The following CCDC141 variants were observed in gnomAD, a reference collection of about 807,000 sequenced individuals.
CCDC141 encodes coiled-coil domain-containing protein 141.
A neutral mutation model predicts 181.0 loss-of-function variants in CCDC141; 168 were observed. That is an observed-to-expected ratio of 0.93 (90% CI 0.82 to 1.05). CCDC141 has a LOEUF of 1.05. Ranked by LOEUF, CCDC141 falls within the 50% of genes least tolerant of loss-of-function variation. CCDC141 has a pLI of 0.00. For missense variants in CCDC141, 1,902 were observed against 1,788.5 expected (o/e 1.06, Z -1.14); for synonymous variants, 666 against 642.3 (o/e 1.04, Z -0.56).
At chr2:178,968,399 A>G (rs1278321432) in intron 4 of CCDC141, among the ~76,000 whole-genome samples, 3 of 152,210 alleles carry the variant, frequency 2.0e-5, no homozygotes, top group Non-Finnish European at 4.4e-5. Flanking sequence ...CTCAGACCAC[A>G]GTGCAATCAT....
In CCDC141 at chr2:178,855,450, A is replaced by G; in HGVS notation, c.2957T>C (p.Val986Ala). 1 of 1,612,180 alleles carries G rather than the reference A, an allele frequency of 6.2e-7. No homozygotes were observed. The highest frequency in any genetic ancestry group is 8.5e-7 in the Non-Finnish European group (1 of 1,179,118). The change falls in exon 19 of 24, where the codon GTC (valine) becomes GCC (alanine). Residue 986 changes from valine to alanine, a missense_variant. Transcript: ENST00000443758. ...CACATGTTTTTGCAAATCCTTCATG[A>G]CTTCCAAAAGGACATTAACTTTATC... ...PSDKVNVLLE[V>A]MKDLQKHVDD...
At position 178,869,212 on chromosome 2, in the gene CCDC141, C is replaced by G. The variant is rs141939661; in HGVS notation, c.2299G>C (p.Asp767His). 1 of 1,613,528 alleles carries G rather than the reference C, an allele frequency of 6.2e-7. No homozygotes were observed. Among genetic ancestry groups the G allele is most frequent in the South Asian group, 1.1e-5 (1 of 91,040 alleles). ...PVKEKSQQLK[D>H]LIHFHQKQKE... Reference sequence around the variant, plus strand: ...TGTTTTTGATGGAAGTGAATAAGGTCCTTCAGTTGTTGAGACTTTTCTTTT... The same window carrying G: ...TGTTTTTGATGGAAGTGAATAAGGTGCTTCAGTTGTTGAGACTTTTCTTTT... Residue 767 changes from aspartate (D) to histidine (H), a missense_variant, in exon 15 of 24, where the codon GAC (aspartate) becomes CAC (histidine). Physicochemically the swap from Asp to His is moderately conservative, Grantham distance 81 (BLOSUM62 -1). Coordinates refer to ENST00000443758, the MANE Select transcript of CCDC141 (RefSeq NM_173648.4).
Position 178,837,629 on chromosome 2 carries a change from G to C in CCDC141, c.3590C>G (p.Pro1197Arg). The C allele has an allele frequency of 6.2e-7, 1 of 1,614,052 alleles. No individual in the cohort carries two copies. Among genetic ancestry groups the C allele is most frequent in the Non-Finnish European group, 8.5e-7 (1 of 1,179,956 alleles). Residue 1197 changes from proline (P) to arginine (R), a missense_variant, in exon 23 of 24, where the codon CCT becomes CGT. Coordinates refer to ENST00000443758, the MANE Select transcript of CCDC141 (RefSeq NM_173648.4). ...TTCTTCCCCTGAGAGCATGTCTTCA[G>C]GCAGGAGCAGGTCCTGGACGCCACC... ...KEGGVQDLLL[P>R]EDMLSGEEYE...
chr2:179,015,129 ATCATATC>A (rs2042425860), intron 2 of CCDC141, among the ~76,000 whole-genome samples: 1 of 103,260 alleles, frequency 9.7e-6, no homozygotes, highest in Non-Finnish European at 2.0e-5. Context: ...ATATATATAT[ATCATATC>A]ATATATATCA....
intron 6 of CCDC141, among the ~76,000 whole-genome samples, chr2:178,931,106 A>G (rs1339198875): frequency 6.6e-6 from 1 of 152,214 alleles, no homozygotes; most frequent in African/African-American, 2.4e-5. Flanking sequence ...TGCAAGTAAG[A>G]ATCACAATGA....
intron 18 of CCDC141, among the ~76,000 whole-genome samples, 170 bp downstream of exon 18, chr2:178,856,087 T>C (rs1376078136): frequency 1.3e-5 from 2 of 152,192 alleles, no homozygotes; most frequent in African/African-American, 4.8e-5. Flanking sequence ...TATTATGTAT[T>C]TTTACATGAA....
chr2:178,879,532 A>G (rs1686499114), intron 11 of CCDC141, among the ~76,000 whole-genome samples: 2 of 152,086 alleles, frequency 1.3e-5, no homozygotes, highest in Non-Finnish European at 2.9e-5. Context: ...ATCCTTCATG[A>G]GCAGTTAAAA....
chr2:178,980,752 A>T (rs954210838), intron 2 of CCDC141, among the ~76,000 whole-genome samples: 3 of 152,236 alleles, frequency 2.0e-5, no homozygotes, highest in Non-Finnish European at 4.4e-5. Flanking sequence ...GTGAAGTGAT[A>T]TGTCAATTAG....
At chr2:178,862,003 A>G (rs1685641409) in intron 17 of CCDC141, among the ~76,000 whole-genome samples, 2 of 152,158 alleles carry the variant, frequency 1.3e-5, no homozygotes, top group Non-Finnish European at 2.9e-5. Context: ...TCATTTTGTC[A>G]GTGGCAAAGC....
rs576058694 is a variant in CCDC141 at position 179,033,298 on chromosome 2, A to C, written c.225+13986T>G. On this transcript the variant is annotated intron_variant, in intron 2 of 23. Coordinates refer to ENST00000443758, the MANE Select transcript of CCDC141 (RefSeq NM_173648.4). ...GTGCTATGATATTTGCATAATGTTT[A>C]CATTATTTTATATATTGTAAGTCAT... is the stretch of plus-strand genomic sequence containing the variant. Among the ~76,000 whole-genome samples, 240 of 152,106 alleles carry C rather than the reference A, an allele frequency of 1.6e-3. 1 individual carries two copies. Among genetic ancestry groups the C allele is most frequent in the African/African-American group, 5.7e-3 (236 of 41,550 alleles).
At chr2:178,965,616 C>A (rs1690591632) in intron 4 of CCDC141, among the ~76,000 whole-genome samples, 1 of 152,228 alleles carries the variant, frequency 6.6e-6, no homozygotes, top group African/African-American at 2.4e-5. Context: ...GTCTTCGCAA[C>A]CCACAAACCA....
intron 21 of CCDC141, among the ~76,000 whole-genome samples, chr2:178,849,033 T>A (rs4893856): frequency 1.1e-4 from 16 of 151,704 alleles, no homozygotes; most frequent in Admixed American, 2.0e-4. Flanking sequence ...TAAAAAAAAA[T>A]CTAGATTTTT....
chr2:178,984,418 A>T (rs1202692028), intron 2 of CCDC141, among the ~76,000 whole-genome samples: 1 of 152,078 alleles, frequency 6.6e-6, no homozygotes, highest in Admixed American at 6.6e-5. Flanking sequence ...TAACGAGCAA[A>T]ATCACCAGCT....
chr2:179,030,966 C>T (rs1257227461), intron 2 of CCDC141, among the ~76,000 whole-genome samples: 2 of 151,986 alleles, frequency 1.3e-5, no homozygotes, highest in African/African-American at 2.4e-5. Context: ...TTTTCATTCC[C>T]AAAAGATTTA....
At chr2:178,901,799 A>T (rs1295688625) in intron 8 of CCDC141, among the ~76,000 whole-genome samples, 1 of 152,120 alleles carries the variant, frequency 6.6e-6, no homozygotes, top group East Asian at 1.9e-4. Context: ...TTCAATTAGG[A>T]AAAGAGGAGG....
chr2:178,999,398 T>G (rs747978688), intron 2 of CCDC141, among the ~76,000 whole-genome samples: 1 of 152,130 alleles, frequency 6.6e-6, no homozygotes, highest in Non-Finnish European at 1.5e-5. Flanking sequence ...CTTTCAACGC[T>G]TCTCACCCGA....
At chr2:178,907,337 G>C (rs1038889371) in intron 7 of CCDC141, among the ~76,000 whole-genome samples, 2 of 152,154 alleles carry the variant, frequency 1.3e-5, no homozygotes, top group Non-Finnish European at 2.9e-5. Flanking sequence ...GAGCAGATTT[G>C]GGATTTATAC....
intron 6 of CCDC141, among the ~76,000 whole-genome samples, chr2:178,929,303 G>A (rs144898409): frequency 9.1e-4 from 139 of 152,172 alleles, no homozygotes; most frequent in African/African-American, 3.3e-3. Context: ...AATTTGGGGA[G>A]GTAATGAAAG....
At chr2:178,951,243 T>A (rs1026534851) in intron 5 of CCDC141, among the ~76,000 whole-genome samples, 2 of 152,226 alleles carry the variant, frequency 1.3e-5, no homozygotes, top group African/African-American at 2.4e-5. Context: ...TAAAGTTCTA[T>A]CCTAAGTGAT....
Sources: gnomAD v4.1 joint callset for allele counts (sites outside exome capture counted in the v4.1 genomes callset) on GRCh38, gnomAD v4.1.1 for gene constraint, MANE v1.5 for transcripts, NCBI Gene and HGNC (gene_info 2026-07-23, HGNC 2026-07-21) for gene names.